The following DAW1 variants were observed in gnomAD, a reference collection of about 807,000 sequenced individuals.
DAW1 encodes dynein assembly factor with WD repeats 1, also known as dynein assembly factor with WD repeat domains 1.
In DAW1, 47 loss-of-function variants were observed where a neutral mutation model predicts 56.5. That is an observed-to-expected ratio of 0.83 (90% CI 0.66 to 1.06). The LOEUF (loss-of-function observed/expected upper bound fraction) is 1.06. Among genes scored for constraint, DAW1 ranks in the 50% least tolerant of loss-of-function variants. The pLI, the probability that DAW1 is intolerant of heterozygous loss-of-function variation, is 0.00. For missense variants in DAW1, 505 were observed against 499.3 expected, an observed-to-expected ratio of 1.01 and a Z score of -0.11; for synonymous variants, 190 against 179.0, an observed-to-expected ratio of 1.06 and a Z score of -0.49.
chr2:227,890,559 T>C (rs1691238713), intron 3 of DAW1, among the ~76,000 whole-genome samples: 1 of 152,240 alleles, frequency 6.6e-6, no homozygotes, highest in Non-Finnish European at 1.5e-5. Flanking sequence ...GCTTTTATCT[T>C]TTATGATTTA....
At chr2:227,896,969 C>A (rs1297707718) in intron 5 of DAW1, among the ~76,000 whole-genome samples, 1 of 151,390 alleles carries the variant, frequency 6.6e-6, no homozygotes, top group Admixed American at 6.6e-5. Context: ...GCCTGTAGTC[C>A]CAGCTACTTG....
At chr2:227,888,766 G>A (rs1213930943) in intron 2 of DAW1, among the ~76,000 whole-genome samples, 1 of 152,186 alleles carries the variant, frequency 6.6e-6, no homozygotes, top group African/African-American at 2.4e-5. Flanking sequence ...GCTTCATGGT[G>A]TATATACATT....
At chr2:227,923,867 TG>T in intron 12 of DAW1, 66 bp from the exon 13 acceptor site, 1 of 1,586,710 alleles carries the variant, frequency 6.3e-7, no homozygotes, top group South Asian at 1.1e-5. Context: ...AATGTCAACT[TG>T]TAGAAAGAGA....
chr2:227,918,875 TGGA>T lies in DAW1; in HGVS notation c.1050+24_1050+26del, dbSNP rs1692037103. The T allele has an allele frequency of 9.3e-6, 15 of 1,613,314 alleles. No individual in the cohort carries two copies. Among genetic ancestry groups the T allele is most frequent in the African/African-American group, 1.3e-5 (1 of 74,846 alleles). Reference sequence around the variant, plus strand: ...TTCAAAGGTGAGTCGCTTTCTCATTTGGAGGAGTTTATTTACTTTCAAAAAATA... The same window carrying T: ...TTCAAAGGTGAGTCGCTTTCTCATTTGGAGTTTATTTACTTTCAAAAAATA... On this transcript the variant is annotated intron_variant, in intron 11 of 12. Transcript: ENST00000309931.
At position 227,918,804 on chromosome 2, in the gene DAW1, C is replaced by T; in HGVS notation, c.998C>T (p.Ala333Val). Residue 333 changes from alanine to valine, a missense_variant, in exon 11 of 13, where the codon GCC (alanine) becomes GTC (valine). Ala to Val is a moderately conservative substitution (Grantham distance 64). Transcript: ENST00000309931. ...ADGTARIFSA[A>V]TRKCIAKLEG... ...GGAACAGCAAGAATTTTCAGTGCTG[C>T]CACAAGAAAATGCATTGCCAAACTG... The T allele has an allele frequency of 6.2e-7, 1 of 1,614,028 alleles. No individual in the cohort carries two copies. Among genetic ancestry groups the T allele is most frequent in the South Asian group, 1.1e-5 (1 of 91,074 alleles).
chr2:227,923,788 A>G (rs1343017935), intron 12 of DAW1, 146 bp from the exon 13 acceptor site: 3 of 878,538 alleles, frequency 3.4e-6, no homozygotes, highest in African/African-American at 3.4e-5. Flanking sequence ...TGAGCTGCTC[A>G]GAGACTCTGC....
chr2:227,885,052 T>C (rs6756685), intron 1 of DAW1, among the ~76,000 whole-genome samples: 62,570 of 151,976 alleles, frequency 0.41, 14,052 homozygotes, highest in Admixed American at 0.55. Context: ...AATCTCACCA[T>C]GTAGTCGTTC....
chr2:227,918,159 TC>T (rs1371394173), intron 10 of DAW1, among the ~76,000 whole-genome samples: 1 of 80,950 alleles, frequency 1.2e-5, no homozygotes, highest in African/African-American at 4.1e-5. Context: ...CATCCATCCA[TC>T]CATCCATCCA....
At chr2:227,881,677 GTGACATAAATAAGGGGT>G (rs923940092) in intron 1 of DAW1, among the ~76,000 whole-genome samples, 26 of 150,758 alleles carry the variant, frequency 1.7e-4, no homozygotes, top group African/African-American at 6.3e-4. Flanking sequence ...TTGCCAGATC[GTGACATAAATAAGGGGT>G]TGAGGATCTA....
intron 7 of DAW1, 69 bp downstream of exon 7, chr2:227,903,178 G>A: frequency 6.6e-7 from 1 of 1,520,570 alleles, no homozygotes; most frequent in Admixed American, 1.7e-5. Flanking sequence ...TACAAAATGA[G>A]CTCTAAGTTG....
At chr2:227,919,423 T>C (rs1692054549) in intron 11 of DAW1, among the ~76,000 whole-genome samples, 1 of 152,050 alleles carries the variant, frequency 6.6e-6, no homozygotes, top group Admixed American at 6.6e-5. Context: ...AGCAAAAGAT[T>C]TAGTTAGCTG....
chr2:227,877,908 T>C (rs1250240362), intron 1 of DAW1, among the ~76,000 whole-genome samples: 1 of 152,256 alleles, frequency 6.6e-6, no homozygotes, highest in East Asian at 1.9e-4. Context: ...CTAGAGGTTT[T>C]GTCACAGCGA....
chr2:227,903,988 G>GT (rs112113759), intron 7 of DAW1, among the ~76,000 whole-genome samples: 58,151 of 147,662 alleles, frequency 0.39, 11,400 homozygotes, highest in Middle Eastern at 0.54. Flanking sequence ...TTCTTTTTTC[G>GT]TTTTTTTTTT....
At chr2:227,876,210 C>T (rs1574645646) in intron 1 of DAW1, among the ~76,000 whole-genome samples, 1 of 152,060 alleles carries the variant, frequency 6.6e-6, no homozygotes, top group African/African-American at 2.4e-5. Context: ...TTAGTAGAGA[C>T]GGGGTTTCAC....
chr2:227,919,417 A>G (rs1692054016), intron 11 of DAW1, among the ~76,000 whole-genome samples: 1 of 152,142 alleles, frequency 6.6e-6, no homozygotes, highest in Non-Finnish European at 1.5e-5. Context: ...ACTGTCAGCA[A>G]AAGATTTAGT....
At chr2:227,883,777 T>A (rs1482866619) in intron 1 of DAW1, among the ~76,000 whole-genome samples, 1 of 152,220 alleles carries the variant, frequency 6.6e-6, no homozygotes, top group Non-Finnish European at 1.5e-5. Flanking sequence ...CTACTCTTCT[T>A]ACTCTTTTTA....
chr2:227,922,117 C>T (rs545791870), intron 12 of DAW1, among the ~76,000 whole-genome samples: 1 of 152,354 alleles, frequency 6.6e-6, no homozygotes, highest in African/African-American at 2.4e-5. Flanking sequence ...CAGGCCACTG[C>T]ACTCCAGTCT....
intron 12 of DAW1, among the ~76,000 whole-genome samples, chr2:227,922,088 G>A (rs980001285): frequency 6.6e-6 from 1 of 152,246 alleles, no homozygotes; most frequent in Non-Finnish European, 1.5e-5. Context: ...AGGAGTTGGA[G>A]GCTTCAGTGA....
intron 1 of DAW1, among the ~76,000 whole-genome samples, chr2:227,882,907 C>A (rs1291924618): frequency 5.3e-5 from 8 of 152,172 alleles, no homozygotes. Context: ...GAGGCCTCCC[C>A]AGCCATGAGG....
Sources: allele counts gnomAD v4.1 joint callset (sites outside exome capture counted in the v4.1 genomes callset), GRCh38; gene constraint gnomAD v4.1.1; transcripts MANE v1.5; gene names NCBI Gene and HGNC (gene_info 2026-07-23, HGNC 2026-07-21).